Variants in PIWIL1 observed in about 807,000 individuals in gnomAD.
PIWIL1 encodes piwi-like protein 1.
A neutral mutation model predicts 114.4 loss-of-function variants in PIWIL1; 73 were observed. The ratio of observed to expected loss-of-function variants is 0.64; its 90% CI spans 0.53 to 0.78. PIWIL1 has a LOEUF of 0.78. Ranked by LOEUF, PIWIL1 falls within the 30% of genes least tolerant of loss-of-function variation. The pLI is 0.00. For missense variants in PIWIL1, 723 were observed against 1,063.1 expected (o/e 0.68, Z 4.45); for synonymous variants, 375 against 369.0 (o/e 1.02, Z -0.19).
chr12:130,369,878 T>A (rs2073772453), intron 19 of PIWIL1, among the ~76,000 whole-genome samples: 1 of 152,182 alleles, frequency 6.6e-6, no homozygotes, highest in African/African-American at 2.4e-5. Flanking sequence ...GTGCAGAAAT[T>A]CTTTAGTTTA....
At position 130,371,179 on chromosome 12, in the gene PIWIL1, T is replaced by G; in HGVS notation, c.2325T>G (p.Tyr775Ter). ...CGTGTGTTTTCTGTAATTCCAGGTA[T>G]GACTTTTTTATCGTGAGCCAGGCTG... ...IDVEVTRPEW[Y>*]DFFIVSQAVR... is the part of the protein sequence containing the mutation. The change falls in exon 20 of 21, where the codon TAT becomes TAG. Residue 775 changes from tyrosine to a stop codon, truncating the protein, a stop_gained. Transcript: ENST00000245255. LOFTEE classifies it high-confidence loss of function. 1 of 1,614,054 alleles carries G rather than the reference T, an allele frequency of 6.2e-7. No individual in the cohort carries two copies. The highest frequency in any genetic ancestry group is 8.5e-7 in the Non-Finnish European group (1 of 1,179,952).
At chr12:130,422,328 A>G in the PIWIL1 span, 1 of 582,760 alleles carries the variant, frequency 1.7e-6, no homozygotes, top group Non-Finnish European at 3.1e-6. This position sits in a 1 kb window ranked among gnomAD's most constrained non-coding sequence, Gnocchi z 5.2. Flanking sequence ...TCTTTTTGCC[A>G]TGAATAACAG....
At chr12:130,410,761 T>A in the PIWIL1 span, among the ~76,000 whole-genome samples, 1 of 152,234 alleles carries the variant, frequency 6.6e-6, no homozygotes, top group Non-Finnish European at 1.5e-5. Flanking sequence ...TTAGCATACC[T>A]CTATAGTAGT....
At chr12:130,341,688 A>G in intron 1 of PIWIL1, among the ~76,000 whole-genome samples, 1 of 152,254 alleles carries the variant, frequency 6.6e-6, no homozygotes, top group East Asian at 1.9e-4. Flanking sequence ...TTCGACAAAG[A>G]GTCACACGCT....
At chr12:130,420,517 T>C in the PIWIL1 span, among the ~76,000 whole-genome samples, 2 of 152,132 alleles carry the variant, frequency 1.3e-5, no homozygotes, top group Admixed American at 6.5e-5. This position sits in a 1 kb window ranked among gnomAD's most constrained non-coding sequence, Gnocchi z 4.3. Flanking sequence ...ACCACATTCA[T>C]CAAAAGTAGT....
chr12:130,345,066 A>C (rs2073036308), intron 3 of PIWIL1, among the ~76,000 whole-genome samples: 1 of 152,230 alleles, frequency 6.6e-6, no homozygotes, highest in African/African-American at 2.4e-5. Flanking sequence ...CTCACATCAG[A>C]TTGTTGATCT....
At chr12:130,378,718 T>C in the PIWIL1 span, among the ~76,000 whole-genome samples, 1 of 152,384 alleles carries the variant, frequency 6.6e-6, no homozygotes, top group African/African-American at 2.4e-5. Context: ...TAAGTAATGT[T>C]GCTGAGCATC....
At chr12:130,425,055 C>T in the PIWIL1 span, 15 of 393,114 alleles carry the variant, frequency 3.8e-5, no homozygotes, top group South Asian at 1.1e-3. Flanking sequence ...GGGGCTGGGG[C>T]GGGGTGGAGG....
downstream of PIWIL1, among the ~76,000 whole-genome samples, chr12:130,373,733 G>A (rs182756719): frequency 6.6e-6 from 1 of 152,216 alleles, no homozygotes. Flanking sequence ...GTTGAAAGGG[G>A]TCTCCTTAAC....
At chr12:130,424,112 G>A in the PIWIL1 span, 46 of 1,151,920 alleles carry the variant, frequency 4.0e-5, no homozygotes, top group Middle Eastern at 3.3e-4. The surrounding 1 kb of genome is among the most constrained non-coding windows in gnomAD (Gnocchi z 9.8). Flanking sequence ...TTTGGCAAGC[G>A]GCTGTGAAAA....
At chr12:130,352,572 G>A (rs184985335) in intron 9 of PIWIL1, among the ~76,000 whole-genome samples, 9 of 152,202 alleles carry the variant, frequency 5.9e-5, no homozygotes, top group East Asian at 1.9e-4. Flanking sequence ...CCAGCTACTC[G>A]CGAGGCTGAG....
Position 130,354,876 on chromosome 12 carries a change from T to A in PIWIL1, c.1172-12T>A. 6.5e-7 allele frequency: 1 copy of A among 1,546,116 alleles called. No individual in the cohort carries two copies. Among genetic ancestry groups the A allele is most frequent in the Non-Finnish European group, 8.9e-7 (1 of 1,119,034 alleles). On this transcript the variant is annotated splice_polypyrimidine_tract_variant and intron_variant, in intron 10 of 20. Transcript: ENST00000245255. ...TTCTTTAACCATATGCCTTTAAATG[T>A]CTTATTTAAAGGTCTAACTGATAAA...
At chr12:130,362,316 A>G (rs2073536868) in intron 16 of PIWIL1, among the ~76,000 whole-genome samples, 1 of 152,114 alleles carries the variant, frequency 6.6e-6, no homozygotes, top group African/African-American at 2.4e-5. Context: ...AAGTGAAAAC[A>G]GGTGGTATTT....
the PIWIL1 span, among the ~76,000 whole-genome samples, chr12:130,404,410 G>A: frequency 6.6e-6 from 1 of 152,128 alleles, no homozygotes; most frequent in Admixed American, 6.6e-5. Flanking sequence ...TGATTCTCCT[G>A]CCTCAGCCTC....
chr12:130,403,153 C>G, the PIWIL1 span, among the ~76,000 whole-genome samples: 1 of 152,096 alleles, frequency 6.6e-6, no homozygotes, highest in Non-Finnish European at 1.5e-5. Context: ...TTACAGATAT[C>G]AAAACAAAGT....
chr12:130,355,206 C>A (rs2073330929), intron 11 of PIWIL1, among the ~76,000 whole-genome samples: 1 of 152,170 alleles, frequency 6.6e-6, no homozygotes, highest in African/African-American at 2.4e-5. Flanking sequence ...TGAAGTTAAA[C>A]TTTGCAGTGC....
chr12:130,356,280 T>G (rs1176370902), intron 12 of PIWIL1, among the ~76,000 whole-genome samples: 1 of 151,466 alleles, frequency 6.6e-6, no homozygotes, highest in Non-Finnish European at 1.5e-5. Context: ...AGTGCCAACA[T>G]TTTCATTTTT....
chr12:130,345,463 G>A, intron 3 of PIWIL1: 1 of 286,962 alleles, frequency 3.5e-6, no homozygotes. Context: ...CTGCACTCTT[G>A]CACCACAGTC....
downstream of PIWIL1, among the ~76,000 whole-genome samples, chr12:130,376,713 A>G (rs2073869405): frequency 6.6e-6 from 1 of 152,192 alleles, no homozygotes; most frequent in Non-Finnish European, 1.5e-5. Flanking sequence ...CCTGTCCACT[A>G]ATCCTGTCAG....
Sources: allele counts gnomAD v4.1 joint callset (sites outside exome capture counted in the v4.1 genomes callset), GRCh38; gene constraint gnomAD v4.1.1; non-coding constraint Gnocchi (gnomAD v3.1); transcripts MANE v1.5; gene names NCBI Gene and HGNC (gene_info 2026-07-23, HGNC 2026-07-21).